Variants in DNAH6 observed in about 807,000 individuals in gnomAD.
The protein encoded by DNAH6 is axonemal beta dynein heavy chain 6.
Under a neutral mutation model 491.4 loss-of-function variants are expected in DNAH6, and 340 were observed. That is an observed-to-expected ratio of 0.69 (90% CI 0.63 to 0.76). The LOEUF is 0.76. Ranked by LOEUF, DNAH6 falls within the 30% of genes least tolerant of loss-of-function variation. The pLI, the probability that DNAH6 is intolerant of heterozygous loss-of-function variation, is 0.00. For synonymous variants in DNAH6, 1,603 were observed against 1,686.1 expected, an observed-to-expected ratio of 0.95 and a Z score of 1.21; for missense variants, 4,443 against 4,972.2, an observed-to-expected ratio of 0.89 and a Z score of 3.20.
intron 42 of DNAH6, among the ~76,000 whole-genome samples, chr2:84,681,862 C>G (rs1421500035): frequency 6.6e-6 from 1 of 152,182 alleles, no homozygotes; most frequent in African/African-American, 2.4e-5. Context: ...TGTCAATGCT[C>G]CTTCTAATAC....
intron 46 of DNAH6, among the ~76,000 whole-genome samples, chr2:84,696,346 A>G (rs1695384497): frequency 6.6e-6 from 1 of 151,956 alleles, no homozygotes; most frequent in Non-Finnish European, 1.5e-5. Flanking sequence ...GTGTCTTAGG[A>G]CTTTAAAACA....
At chr2:84,477,100 G>C in the DNAH6 span, among the ~76,000 whole-genome samples, 8 of 152,334 alleles carry the variant, frequency 5.3e-5, no homozygotes, top group African/African-American at 1.9e-4. Context: ...GAGTTTGAGA[G>C]AGAAAGTGGG....
chr2:84,691,855 G>C (rs1694887209), intron 45 of DNAH6, among the ~76,000 whole-genome samples: 1 of 152,082 alleles, frequency 6.6e-6, no homozygotes, highest in African/African-American at 2.4e-5. Context: ...ACATTGTTAA[G>C]GGGCAGGATT....
chr2:84,694,121 C>T, intron 45 of DNAH6, 128 bp from the exon 46 acceptor site: 1 of 745,090 alleles, frequency 1.3e-6, no homozygotes, highest in East Asian at 2.7e-5. Flanking sequence ...GCAGCCTGCT[C>T]TTCCCTTGCA....
Position 84,642,719 on chromosome 2 carries a change from G to A in DNAH6, c.5078+665G>A, listed in dbSNP as rs530131396. ...CACTATACCATTTCATGGGAAGTGT[G>A]AGTACCTTATAATAACAATCGTATT... On this transcript the variant is annotated intron_variant, in intron 33 of 76. Transcript: ENST00000389394. Among the ~76,000 whole-genome samples, 267 of 152,022 alleles carry A rather than the reference G, an allele frequency of 1.8e-3. 1 individual carries two copies. Among genetic ancestry groups the A allele is most frequent in the African/African-American group, 6.0e-3 (250 of 41,480 alleles).
chr2:84,818,445 A>G (rs1680699334), intron 76 of DNAH6, among the ~76,000 whole-genome samples: 1 of 128,684 alleles, frequency 7.8e-6, no homozygotes, highest in Non-Finnish European at 1.6e-5. Flanking sequence ...TAATCAAACC[A>G]CTGCACTCCA....
chr2:84,738,799 A>G (rs970562916), intron 62 of DNAH6, among the ~76,000 whole-genome samples: 6 of 152,112 alleles, frequency 3.9e-5, no homozygotes, highest in Non-Finnish European at 8.8e-5. Flanking sequence ...TTGATACTCT[A>G]TGTATTTTAA....
chr2:84,754,293 C>A (rs1452396628), intron 63 of DNAH6, among the ~76,000 whole-genome samples: 1 of 152,172 alleles, frequency 6.6e-6, no homozygotes, highest in African/African-American at 2.4e-5. Flanking sequence ...AATTCTCCTG[C>A]CTCAGCTTCC....
intron 17 of DNAH6, among the ~76,000 whole-genome samples, chr2:84,594,842 TAAG>T (rs1286935431): frequency 1.3e-5 from 2 of 152,118 alleles, no homozygotes; most frequent in African/African-American, 4.8e-5. Flanking sequence ...CAGTGGAGAA[TAAG>T]AAGAACAAAG....
chr2:84,547,149 C>A (rs1678866319), intron 5 of DNAH6, 119 bp from the exon 6 acceptor site: 2 of 824,556 alleles, frequency 2.4e-6, no homozygotes, highest in Non-Finnish European at 3.6e-6. Flanking sequence ...GTAGTTGTAG[C>A]AAAAGTTAAC....
Position 84,785,592 on chromosome 2 carries a change from T to G in DNAH6, c.10954-18T>G. Reference sequence around the variant, plus strand: ...ATAAAATCACTCTCTCTGCCACATATATTCTATCTAAATCCAGGTGACCAA... The same window carrying G: ...ATAAAATCACTCTCTCTGCCACATAGATTCTATCTAAATCCAGGTGACCAA... On this transcript the variant is annotated intron_variant, in intron 66 of 76. Coordinates refer to ENST00000389394, the MANE Select transcript of DNAH6 (RefSeq NM_001370.2). 6.6e-7 allele frequency: 1 copy of G among 1,512,896 alleles called. No individual in the cohort carries two copies. Among genetic ancestry groups the G allele is most frequent in the Non-Finnish European group, 8.8e-7 (1 of 1,133,236 alleles). 93.7% of individuals were successfully genotyped at this position (1,512,896 alleles called of 1,614,324 possible). A position where few individuals can be genotyped will look rare whatever the true frequency, so the allele number is the denominator to read the frequency against.
Position 84,705,761 on chromosome 2 carries a change from A to G in DNAH6, c.8727+14A>G, listed in dbSNP as rs751398917. 1.2e-5 allele frequency: 18 copies of G among 1,534,670 alleles called. No homozygotes were observed. In the Admixed American group the frequency reaches 3.2e-4, roughly 27 times the overall value. On this transcript the variant is annotated intron_variant, in intron 52 of 76. Transcript: ENST00000389394. ...CGCGCCGCACAGGTACATTTTCTGTATTGTGATATTTTATAGAATTGAAGG... is the reference window on the plus strand; with the variant it reads ...CGCGCCGCACAGGTACATTTTCTGTGTTGTGATATTTTATAGAATTGAAGG...
intron 16 of DNAH6, 120 bp from the exon 17 acceptor site, chr2:84,593,852 C>A: frequency 1.2e-4 from 40 of 337,450 alleles, no homozygotes; most frequent in Middle Eastern, 8.3e-4. Context: ...TTTTCTTAAT[C>A]CATTTAGGAT....
At chr2:84,462,854 A>G in the DNAH6 span, among the ~76,000 whole-genome samples, 3 of 152,208 alleles carry the variant, frequency 2.0e-5, no homozygotes, top group Non-Finnish European at 4.4e-5. Context: ...AGGCAGGGCA[A>G]TATTTGGTGT....
intron 29 of DNAH6, among the ~76,000 whole-genome samples, chr2:84,628,281 G>C (rs1688068793): frequency 6.6e-6 from 1 of 152,164 alleles, no homozygotes. Context: ...AAACAAGATT[G>C]TCTCCAAGGG....
Position 84,796,193 on chromosome 2 carries a change from A to T in DNAH6, c.11240-113A>T, listed in dbSNP as rs999523001. On this transcript the variant is annotated intron_variant, in intron 68 of 76. Transcript: ENST00000389394. ...AAGGAAATTCTGTTGTGTGCTTTCCATTTTCAGTACCAAATAAATGTGTGT... is the reference window on the plus strand; with the variant it reads ...AAGGAAATTCTGTTGTGTGCTTTCCTTTTTCAGTACCAAATAAATGTGTGT... The T allele has an allele frequency of 1.0e-5, 7 of 674,456 alleles. No individual in the cohort carries two copies. The Admixed American group carries it at 2.6e-4, about 25-fold the overall frequency. 41.8% of individuals were successfully genotyped at this position (674,456 alleles called of 1,614,324 possible). A position where few individuals can be genotyped will look rare whatever the true frequency, so the allele number is the denominator to read the frequency against.
chr2:84,610,729 A>T (rs1397603368), intron 21 of DNAH6, among the ~76,000 whole-genome samples: 1 of 152,242 alleles, frequency 6.6e-6, no homozygotes, highest in Non-Finnish European at 1.5e-5. Context: ...AAGAGGGAAA[A>T]GATAACCTGT....
At position 84,762,849 on chromosome 2, in the gene DNAH6, T is replaced by G. The variant is rs1674719776; in HGVS notation, c.10607T>G (p.Met3536Arg). The G allele has an allele frequency of 6.4e-7, 1 of 1,551,158 alleles. No individual in the cohort carries two copies. The highest frequency in any genetic ancestry group is 1.2e-5 in the South Asian group (1 of 84,060). The change falls in exon 64 of 77, where the codon ATG becomes AGG. Residue 3536 changes from methionine to arginine, a missense_variant. By Grantham distance (91) the Met-to-Arg change is moderately conservative (BLOSUM62 -1). Around this residue, in one of 3 missense-constraint regions of DNAH6, gnomAD observed 1,463 missense variants for 1,656.6 expected, o/e 0.88. Coordinates refer to ENST00000389394, the MANE Select transcript of DNAH6 (RefSeq NM_001370.2). ...GACCTGCCTACCCTGTATCAAGACATGTCATGCAACACTCCCCTGGTATTC... is the reference window on the plus strand; with the variant it reads ...GACCTGCCTACCCTGTATCAAGACAGGTCATGCAACACTCCCCTGGTATTC... ...PVDLPTLYQD[M>R]SCNTPLVFIL...
At chr2:84,539,690 T>C (rs981517484) in intron 4 of DNAH6, among the ~76,000 whole-genome samples, 8 of 152,166 alleles carry the variant, frequency 5.3e-5, no homozygotes, top group African/African-American at 1.9e-4. Context: ...AATTCCCACA[T>C]TGTGCTCATG....
Sources: gnomAD v4.1 joint callset for allele counts (sites outside exome capture counted in the v4.1 genomes callset) on GRCh38, gnomAD v4.1.1 for gene constraint, gnomAD v4.1.1 regional missense constraint, MANE v1.5 for transcripts, NCBI Gene and HGNC (gene_info 2026-07-23, HGNC 2026-07-21) for gene names.